PAPPA2: variants seen among roughly 807,000 people sequenced by gnomAD.
PAPPA2 encodes pappalysin 2.
PAPPA2 carries 86 observed loss-of-function variants against 176.4 expected under a neutral mutation model. The observed-to-expected ratio is 0.49, with a 90% confidence interval of 0.41 to 0.58. PAPPA2 has a LOEUF of 0.58. Among genes scored for constraint, PAPPA2 ranks in the 20% least tolerant of loss-of-function variants. The pLI, the probability that PAPPA2 is intolerant of heterozygous loss-of-function variation, is 0.00. For synonymous variants in PAPPA2, 809 were observed against 852.2 expected, an observed-to-expected ratio of 0.95 and a Z score of 0.88; for missense variants, 2,073 against 2,256.9, an observed-to-expected ratio of 0.92 and a Z score of 1.65.
chr1:176,730,290 A>C (rs2102860828), intron 12 of PAPPA2, among the ~76,000 whole-genome samples: 1 of 151,892 alleles, frequency 6.6e-6, no homozygotes, highest in African/African-American at 2.4e-5. Context: ...ACTTAAATTT[A>C]TTTGATTTTT....
chr1:176,750,475 G>A (rs1430882531), intron 14 of PAPPA2, among the ~76,000 whole-genome samples: 1 of 151,940 alleles, frequency 6.6e-6, no homozygotes, highest in Non-Finnish European at 1.5e-5. Flanking sequence ...TGTGCTGGTG[G>A]GCACTGGTAA....
At chr1:176,645,270 T>C (rs1657334320) in intron 3 of PAPPA2, among the ~76,000 whole-genome samples, 1 of 151,780 alleles carries the variant, frequency 6.6e-6, no homozygotes, top group Non-Finnish European at 1.5e-5. Flanking sequence ...TGGCCTCTGG[T>C]AACCACAATT....
At chr1:176,541,709 G>A (rs1015934153) in intron 1 of PAPPA2, among the ~76,000 whole-genome samples, 2 of 152,088 alleles carry the variant, frequency 1.3e-5, no homozygotes, top group Non-Finnish European at 2.9e-5. Flanking sequence ...AGTATTTTTT[G>A]TACTCTTTAA....
At chr1:176,721,454 A>G (rs917797668) in intron 12 of PAPPA2, among the ~76,000 whole-genome samples, 4 of 152,034 alleles carry the variant, frequency 2.6e-5, no homozygotes, top group African/African-American at 9.7e-5. Flanking sequence ...ATTTCTCTTA[A>G]TGTGGGCCTG....
intron 4 of PAPPA2, among the ~76,000 whole-genome samples, chr1:176,673,864 A>G (rs1310592067): frequency 6.6e-6 from 1 of 152,230 alleles, no homozygotes; most frequent in East Asian, 1.9e-4. Flanking sequence ...AGTGGAAGAC[A>G]TAGAGGCAGA....
At chr1:176,553,493 T>G (rs1264970862) in intron 1 of PAPPA2, 2 of 152,032 alleles carry the variant, frequency 1.3e-5, no homozygotes, top group Non-Finnish European at 2.9e-5. Flanking sequence ...CAACATTTTT[T>G]TTTAACTTGG....
chr1:176,624,596 A>T (rs1324805589), intron 3 of PAPPA2, among the ~76,000 whole-genome samples: 1 of 152,150 alleles, frequency 6.6e-6, no homozygotes, highest in Non-Finnish European at 1.5e-5. Context: ...TTTTCCAAAC[A>T]CATCAAGCTT....
chr1:176,681,953 T>C (rs1659607338), intron 4 of PAPPA2, among the ~76,000 whole-genome samples: 1 of 152,100 alleles, frequency 6.6e-6, no homozygotes, highest in African/African-American at 2.4e-5. Flanking sequence ...GTAGGACCAC[T>C]CCCTGGGAGA....
At chr1:176,747,772 T>G (rs887454831) in intron 14 of PAPPA2, among the ~76,000 whole-genome samples, 1 of 152,222 alleles carries the variant, frequency 6.6e-6, no homozygotes, top group African/African-American at 2.4e-5. Flanking sequence ...AAGGCTATAA[T>G]GAGGTGTCAG....
In PAPPA2 at chr1:176,699,541, G is replaced by A. The variant is rs1265536453; in HGVS notation, c.3188G>A (p.Ser1063Asn). 2 of 1,612,136 alleles carry A rather than the reference G, an allele frequency of 1.2e-6. No homozygotes were observed. The highest frequency in any genetic ancestry group is 1.7e-6 in the Non-Finnish European group (2 of 1,178,470). ...YQVLRDPPFA[S>N]GLPVVVTHSH... ...GTTCTCCGCGATCCCCCATTTGCCA[G>A]TGGTTTGCCCGTGGTGGTGACACAT... Residue 1063 changes from serine to asparagine, a missense_variant, in exon 8 of 23, where the codon AGT (serine) becomes AAT (asparagine). Transcript: ENST00000367662.
At position 176,659,505 on chromosome 1, in the gene PAPPA2, G is replaced by T. The variant is rs1230027071; in HGVS notation, c.1992-11465G>T. The stretch of plus-strand genomic sequence containing the variant: ...TCATCTTAACTTGATTATCTGCAAA[G>T]ACCCTATTTCCAAATAAGATAACCT... On this transcript the variant is annotated intron_variant, in intron 3 of 22. Coordinates refer to ENST00000367662, the MANE Select transcript of PAPPA2 (RefSeq NM_020318.3). Among the ~76,000 whole-genome samples, 5 of 152,114 alleles carry T rather than the reference G, an allele frequency of 3.3e-5. No individual in the cohort carries two copies. The East Asian group carries it at 9.7e-4, about 29-fold the overall frequency.
chr1:176,729,896 G>T (rs566260650), intron 12 of PAPPA2, among the ~76,000 whole-genome samples: 1 of 151,684 alleles, frequency 6.6e-6, no homozygotes, highest in Non-Finnish European at 1.5e-5. Flanking sequence ...CCCTTGATTT[G>T]TATTAATTGA....
chr1:176,591,026 A>G (rs1032485454), intron 2 of PAPPA2, among the ~76,000 whole-genome samples: 1 of 151,818 alleles, frequency 6.6e-6, no homozygotes, highest in African/African-American at 2.4e-5. Context: ...AAGCTTAAGG[A>G]CTATATAAAT....
chr1:176,792,339 T>C (rs1665214159), intron 19 of PAPPA2, among the ~76,000 whole-genome samples: 1 of 152,136 alleles, frequency 6.6e-6, no homozygotes, highest in Non-Finnish European at 1.5e-5. Flanking sequence ...TAGCAAGGAG[T>C]AATTTTATCG....
At chr1:176,832,847 C>T (rs947683174) in intron 21 of PAPPA2, among the ~76,000 whole-genome samples, 1 of 151,808 alleles carries the variant, frequency 6.6e-6, no homozygotes, top group African/African-American at 2.4e-5. Flanking sequence ...TGATTTTTGT[C>T]CTATTTGATT....
intron 21 of PAPPA2, among the ~76,000 whole-genome samples, chr1:176,822,073 G>A (rs1666686822): frequency 6.6e-6 from 1 of 152,152 alleles, no homozygotes; most frequent in Non-Finnish European, 1.5e-5. Flanking sequence ...CATGCAAAGT[G>A]GAGCAGAAAT....
At chr1:176,651,996 T>C (rs1573196635) in intron 3 of PAPPA2, among the ~76,000 whole-genome samples, 1 of 151,672 alleles carries the variant, frequency 6.6e-6, no homozygotes, top group Non-Finnish European at 1.5e-5. Context: ...TTTAAAAAAC[T>C]ATTATGTCAA....
chr1:176,695,398 A>C (rs1024189449), intron 6 of PAPPA2, among the ~76,000 whole-genome samples: 3 of 152,194 alleles, frequency 2.0e-5, no homozygotes, highest in Non-Finnish European at 4.4e-5. Context: ...TTGAGAGTCA[A>C]TGTAGAAGGG....
intron 8 of PAPPA2, 103 bp downstream of exon 8, chr1:176,699,692 A>T (rs1396098150): frequency 4.7e-6 from 7 of 1,474,850 alleles, no homozygotes; most frequent in African/African-American, 1.4e-5. Context: ...TAGTCGGAGG[A>T]ATGTTTAGAC....
Sources: gnomAD v4.1 joint callset for allele counts (sites outside exome capture counted in the v4.1 genomes callset) on GRCh38, gnomAD v4.1.1 for gene constraint, MANE v1.5 for transcripts, NCBI Gene and HGNC (gene_info 2026-07-23, HGNC 2026-07-21) for gene names.